Variants in TACR3 observed in about 807,000 individuals in gnomAD.
TACR3 encodes tachykinin receptor 3, also known as neuromedin-K receptor.
A neutral mutation model predicts 35.0 loss-of-function variants in TACR3; 34 were observed. The ratio of observed to expected loss-of-function variants is 0.97; its 90% confidence interval spans 0.74 to 1.30. The LOEUF is 1.30. Ranked by LOEUF, TACR3 falls within the 50% of genes most tolerant of loss-of-function variation. TACR3 has a pLI of 0.00. For synonymous variants in TACR3, 233 were observed against 221.1 expected (o/e 1.05, Z -0.48); for missense variants, 558 against 591.7 (o/e 0.94, Z 0.59).
chr4:103,644,943 T>C (rs929785919), intron 3 of TACR3, among the ~76,000 whole-genome samples: 1 of 151,854 alleles, frequency 6.6e-6, no homozygotes, highest in Non-Finnish European at 1.5e-5. Flanking sequence ...ACAATTGCAT[T>C]ATATATGAGC....
At chr4:103,668,022 G>C (rs924744832) in intron 1 of TACR3, among the ~76,000 whole-genome samples, 5 of 152,030 alleles carry the variant, frequency 3.3e-5, no homozygotes, top group Middle Eastern at 3.4e-3. Context: ...AGAGATAGTG[G>C]GATCTCACCA....
chr4:103,691,375 A>T (rs1010498761), intron 1 of TACR3, among the ~76,000 whole-genome samples: 3 of 152,180 alleles, frequency 2.0e-5, no homozygotes, highest in African/African-American at 7.2e-5. Context: ...TAATTATATT[A>T]ATATGACATT....
At chr4:103,706,404 C>T (rs930788197) in intron 1 of TACR3, among the ~76,000 whole-genome samples, 2 of 151,952 alleles carry the variant, frequency 1.3e-5, no homozygotes, top group Non-Finnish European at 2.9e-5. Context: ...GTCTGTATAT[C>T]CTGATGCTAA....
At chr4:103,677,983 G>A (rs916631835) in intron 1 of TACR3, among the ~76,000 whole-genome samples, 1 of 151,914 alleles carries the variant, frequency 6.6e-6, no homozygotes, top group Non-Finnish European at 1.5e-5. Flanking sequence ...TAAAACTTTG[G>A]ATATTGTCCC....
intron 3 of TACR3, among the ~76,000 whole-genome samples, chr4:103,638,449 T>A (rs1356936510): frequency 6.6e-6 from 1 of 151,870 alleles, no homozygotes; most frequent in East Asian, 1.9e-4. Flanking sequence ...TCAAGATGGA[T>A]TAAAGACTTA....
rs1210941669 is a variant in TACR3 at position 103,588,928 on chromosome 4, A to G, written c.*754T>C. ...AAAAAATGATAGGAATTTTCTTCATATTTTTAGGGTCTTAACTGACTACTT... is the reference window on the plus strand; with the variant it reads ...AAAAAATGATAGGAATTTTCTTCATGTTTTTAGGGTCTTAACTGACTACTT... On this transcript the variant is annotated 3_prime_UTR_variant, in exon 5 of 5. Transcript: ENST00000304883. 6.6e-6 allele frequency: 1 copy of G among 152,140 alleles called. No homozygotes were observed. The allele number at this position is 152,140 out of a possible 1,614,324, so 9.4% of individuals were successfully genotyped here.
intron 1 of TACR3, among the ~76,000 whole-genome samples, chr4:103,684,992 T>C (rs1342639626): frequency 1.1e-5 from 1 of 89,932 alleles, no homozygotes; most frequent in African/African-American, 8.1e-5. Flanking sequence ...CAAAATTAAA[T>C]AAATAAATAA....
At chr4:103,680,306 G>C (rs1336798834) in intron 1 of TACR3, among the ~76,000 whole-genome samples, 1 of 151,622 alleles carries the variant, frequency 6.6e-6, no homozygotes, top group African/African-American at 2.4e-5. Context: ...TGCTTAGTCT[G>C]TAGAAATTTT....
At position 103,586,326 on chromosome 4, in the gene TACR3, C is replaced by G. The variant is rs534751260; in HGVS notation, c.*3356G>C. ...GGGAAATTATTCCAACCTTATTGTT[C>G]TACATGGTCCATGTCATTCTGGATT... On this transcript the variant is annotated 3_prime_UTR_variant, in exon 5 of 5. Transcript: ENST00000304883. 2.1e-4 allele frequency: 32 copies of G among 151,922 alleles called. No individual in the cohort carries two copies. The highest frequency in any genetic ancestry group is 7.7e-4 in the African/African-American group (32 of 41,438). 9.4% of individuals were successfully genotyped at this position (151,922 alleles called of 1,614,324 possible).
At chr4:103,684,840 T>C (rs1722191483) in intron 1 of TACR3, among the ~76,000 whole-genome samples, 1 of 151,682 alleles carries the variant, frequency 6.6e-6, no homozygotes, top group Admixed American at 6.6e-5. Flanking sequence ...CCTGTCTCTA[T>C]GAAAAATATA....
chr4:103,707,342 T>C (rs1309889432), intron 1 of TACR3, among the ~76,000 whole-genome samples: 1 of 152,220 alleles, frequency 6.6e-6, no homozygotes, highest in Non-Finnish European at 1.5e-5. Flanking sequence ...TTAAGACTGT[T>C]TGACCCCAAT....
intron 1 of TACR3, among the ~76,000 whole-genome samples, chr4:103,687,496 C>A (rs1722277861): frequency 6.6e-6 from 1 of 152,068 alleles, no homozygotes; most frequent in Admixed American, 6.6e-5. Context: ...ATCTAGAAAA[C>A]CCCATTGTCT....
chr4:103,625,467 C>T (rs542505208), intron 3 of TACR3, among the ~76,000 whole-genome samples: 1 of 151,646 alleles, frequency 6.6e-6, no homozygotes, highest in African/African-American at 2.4e-5. Context: ...AAAAAAACTG[C>T]CAAGTAGGGA....
At chr4:103,647,362 TC>T (rs1232447779) in intron 3 of TACR3, among the ~76,000 whole-genome samples, 1 of 151,930 alleles carries the variant, frequency 6.6e-6, no homozygotes, top group Non-Finnish European at 1.5e-5. Flanking sequence ...AGGATCAGTT[TC>T]CTTTTCTAGA....
chr4:103,655,694 G>A, intron 3 of TACR3, among the ~76,000 whole-genome samples: 1 of 150,440 alleles, frequency 6.6e-6, no homozygotes, highest in Non-Finnish European at 1.5e-5. Context: ...TGTCTTATCA[G>A]GGGAAAGAAC....
chr4:103,682,927 T>G (rs932718469), intron 1 of TACR3, among the ~76,000 whole-genome samples: 1 of 152,120 alleles, frequency 6.6e-6, no homozygotes, highest in Non-Finnish European at 1.5e-5. Flanking sequence ...TAACCGATAG[T>G]GAGATGGAAC....
intron 3 of TACR3, among the ~76,000 whole-genome samples, chr4:103,625,714 G>A (rs1724872998): frequency 6.6e-6 from 1 of 152,118 alleles, no homozygotes; most frequent in Non-Finnish European, 1.5e-5. Context: ...TTGGATCAAA[G>A]AGATCAATAT....
intron 3 of TACR3, among the ~76,000 whole-genome samples, chr4:103,602,980 A>G (rs6533100): frequency 4.6e-5 from 7 of 152,058 alleles, no homozygotes; most frequent in African/African-American, 7.2e-5. Flanking sequence ...TGTGCCCTAC[A>G]CCAAGAGGTG....
intron 3 of TACR3, among the ~76,000 whole-genome samples, chr4:103,646,004 G>A (rs922825742): frequency 6.6e-6 from 1 of 151,934 alleles, no homozygotes; most frequent in Non-Finnish European, 1.5e-5. Context: ...TACATGGCAC[G>A]GAGCTCTTGG....
Sources: gnomAD v4.1 joint callset for allele counts (sites outside exome capture counted in the v4.1 genomes callset) on GRCh38, gnomAD v4.1.1 for gene constraint, MANE v1.5 for transcripts, NCBI Gene and HGNC (gene_info 2026-07-23, HGNC 2026-07-21) for gene names.